TRIM42: variants seen among roughly 807,000 people sequenced by gnomAD.
The protein encoded by TRIM42 is tripartite motif containing 42, also known as tripartite motif-containing protein 42.
A neutral mutation model predicts 64.9 loss-of-function variants in TRIM42; 59 were observed. The ratio of observed to expected loss-of-function variants is 0.91; its 90% CI spans 0.74 to 1.13. The LOEUF (loss-of-function observed/expected upper bound fraction) is 1.13, where lower values mean the gene tolerates loss of function less well. TRIM42 is among the 50% of genes most tolerant of loss of function. TRIM42 has a pLI of 0.00. For synonymous variants in TRIM42, 354 were observed against 346.3 expected, an observed-to-expected ratio of 1.02 and a Z score of -0.25; for missense variants, 878 against 929.5, an observed-to-expected ratio of 0.94 and a Z score of 0.72.
At chr3:140,694,316 A>T (rs1988795912) in intron 4 of TRIM42, among the ~76,000 whole-genome samples, 1 of 152,252 alleles carries the variant, frequency 6.6e-6, no homozygotes, top group Admixed American at 6.5e-5. Flanking sequence ...TGTTGGTCTT[A>T]CACACCCTTC....
At chr3:140,678,640 A>G (rs1988274332) in intron 1 of TRIM42, 70 bp downstream of exon 1, 2 of 1,348,142 alleles carry the variant, frequency 1.5e-6, no homozygotes, top group Admixed American at 2.1e-5. Flanking sequence ...CCAGCTGTGA[A>G]GTCTACAGGG....
chr3:140,688,067 G>C lies in TRIM42; in HGVS notation c.1385G>C (p.Arg462Thr). The change falls in exon 3 of 5, where the codon AGG (arginine) becomes ACG (threonine). Residue 462 changes from arginine to threonine, a missense_variant. Coordinates refer to ENST00000286349, the MANE Select transcript of TRIM42 (RefSeq NM_152616.5). ...QIEDGIQTTYRPDPQLRLHSI... is the reference protein window; with the variant it reads ...QIEDGIQTTYTPDPQLRLHSI... ...GAGGACGGCATCCAGACCACCTACA[G>C]GCCTGACCCACAGCTCCGGCTGCAC... The C allele has an allele frequency of 1.2e-6, 2 of 1,614,170 alleles. No homozygotes were observed. The highest frequency in any genetic ancestry group is 1.7e-6 in the Non-Finnish European group (2 of 1,180,042).
intron 4 of TRIM42, among the ~76,000 whole-genome samples, chr3:140,700,009 C>T (rs1019833203): frequency 5.9e-5 from 9 of 152,290 alleles, no homozygotes; most frequent in African/African-American, 2.2e-4. Context: ...AACCCCACCC[C>T]CATTCTATCT....
At chr3:140,678,706 T>C (rs937371251) in intron 1 of TRIM42, 136 bp downstream of exon 1, 2 of 690,976 alleles carry the variant, frequency 2.9e-6, no homozygotes, top group Non-Finnish European at 4.8e-6. Flanking sequence ...GCCAAGAATT[T>C]TGTAGCAATT....
Position 140,701,146 on chromosome 3 carries a change from C to T in TRIM42, c.*172C>T, listed in dbSNP as rs574037272. 7.3e-6 allele frequency: 4 copies of T among 549,038 alleles called. No homozygotes were observed. Among genetic ancestry groups the T allele is most frequent in the African/African-American group, 5.7e-5 (3 of 52,260 alleles). 34.0% of individuals were successfully genotyped at this position (549,038 alleles called of 1,614,324 possible). ...TTGTAAGAGCTAATAAAAGGAAATA[C>T]CTGACATGGCTTGCTGTTTGTTCAA... On this transcript the variant is annotated 3_prime_UTR_variant, in exon 5 of 5. Coordinates refer to ENST00000286349, the MANE Select transcript of TRIM42 (RefSeq NM_152616.5).
At chr3:140,680,235 G>A (rs698666) in intron 1 of TRIM42, among the ~76,000 whole-genome samples, 1 of 151,684 alleles carries the variant, frequency 6.6e-6, no homozygotes, top group Non-Finnish European at 1.5e-5. Flanking sequence ...GTGTTAGGAG[G>A]TCGGCTCTGG....
At chr3:140,685,842 C>A (rs977600292) in intron 2 of TRIM42, among the ~76,000 whole-genome samples, 4 of 152,156 alleles carry the variant, frequency 2.6e-5, no homozygotes, top group African/African-American at 4.8e-5. Flanking sequence ...GGGCCTCAAG[C>A]TTTTTCATCT....
rs763045181 is a variant in TRIM42 at position 140,700,996 on chromosome 3, A to G, written c.*22A>G. The G allele has an allele frequency of 6.2e-7, 1 of 1,607,902 alleles. No individual in the cohort carries two copies. Among genetic ancestry groups the G allele is most frequent in the South Asian group, 1.1e-5 (1 of 90,812 alleles). On this transcript the variant is annotated 3_prime_UTR_variant, in exon 5 of 5. Coordinates refer to ENST00000286349, the MANE Select transcript of TRIM42 (RefSeq NM_152616.5). ...CTGAGCCCCTTCAGAGCAGGAAACA[A>G]CCTCAGACTCATCACAAAGTAGACA...
At chr3:140,692,538 C>CAT (rs1988745857) in intron 4 of TRIM42, among the ~76,000 whole-genome samples, 2 of 124,466 alleles carry the variant, frequency 1.6e-5, no homozygotes, top group Non-Finnish European at 3.6e-5. Context: ...CATACACACA[C>CAT]ACACACACAC....
rs1205121837 is a variant in TRIM42 at position 140,683,054 on chromosome 3, T to A, written c.934T>A (p.Phe312Ile). Reference sequence around the variant, plus strand: ...CAATGACAACAAATTGCTCTGCACCTTCTGCAAGTTCTCTTTCCACAATGG... The same window carrying A: ...CAATGACAACAAATTGCTCTGCACCATCTGCAAGTTCTCTTTCCACAATGG... ...CRNDNKLLCT[F>I]CKFSFHNGHD... is the part of the protein sequence containing the mutation. Residue 312 changes from phenylalanine to isoleucine, a missense_variant, in exon 2 of 5, where the codon TTC (phenylalanine) becomes ATC (isoleucine). Transcript: ENST00000286349. 2 of 1,614,098 alleles carry A rather than the reference T, an allele frequency of 1.2e-6. No individual in the cohort carries two copies. Among genetic ancestry groups the A allele is most frequent in the African/African-American group, 1.3e-5 (1 of 74,922 alleles).
intron 4 of TRIM42, among the ~76,000 whole-genome samples, chr3:140,694,062 C>G (rs1988789111): frequency 6.6e-6 from 1 of 152,188 alleles, no homozygotes; most frequent in African/African-American, 2.4e-5. Flanking sequence ...TGGTCTGTAT[C>G]CAAGCCCACA....
intron 4 of TRIM42, among the ~76,000 whole-genome samples, chr3:140,700,266 G>C (rs1050136722): frequency 1.6e-4 from 25 of 152,164 alleles, no homozygotes; most frequent in African/African-American, 5.5e-4. Context: ...TTTTCAGGTA[G>C]CACTGGCCAT....
chr3:140,688,278 A>T lies in TRIM42; in HGVS notation c.1596A>T (p.Ile532=), dbSNP rs370263093. The T allele has an allele frequency of 1.9e-6, 3 of 1,614,196 alleles. No individual in the cohort carries two copies. The highest frequency in any genetic ancestry group is 2.2e-5 in the South Asian group (2 of 91,086). ...FSTHSLGNQH[I]YQRSSSMLSF... ...CCCACAGCCTCGGCAACCAGCACATATACCAGCGAAGCTCCTCCATGTTGT... is the reference window on the plus strand; with the variant it reads ...CCCACAGCCTCGGCAACCAGCACATTTACCAGCGAAGCTCCTCCATGTTGT... Residue 532 remains isoleucine, a synonymous_variant, in exon 3 of 5, where the codon ATA becomes ATT. Coordinates refer to ENST00000286349, the MANE Select transcript of TRIM42 (RefSeq NM_152616.5).
chr3:140,678,648 G>C, intron 1 of TRIM42, 78 bp downstream of exon 1: 1 of 1,232,814 alleles, frequency 8.1e-7, no homozygotes, highest in Non-Finnish European at 1.1e-6. Flanking sequence ...GAAGTCTACA[G>C]GGCAGGCCAG....
Position 140,679,060 on chromosome 3 carries a change from C to CCA in TRIM42, c.341+491_341+492insAC, listed in dbSNP as rs944213002. ...ATTGCAAAACGGAGACAATACCCCC[C>CCA]CCATGATATTGTAGATATAAGGATT... On this transcript the variant is annotated intron_variant, in intron 1 of 4. Transcript: ENST00000286349. 6.6e-5 allele frequency among the ~76,000 whole-genome samples: 10 copies of CCA among 151,850 alleles called. 1 individual carries two copies. Among genetic ancestry groups the CCA allele is most frequent in the Admixed American group, 5.9e-4 (9 of 15,246 alleles).
In TRIM42 at chr3:140,682,732, G is replaced by A; in HGVS notation, c.612G>A (p.Gln204=). ...SHCMPYSNKM[Q]LPENYLHGRL... ...GCATGCCCTACAGCAACAAGATGCA[G>A]CTGCCCGAGAACTACCTGCACGGGC... The change falls in exon 2 of 5, where the codon CAG becomes CAA. Residue 204 remains glutamine (Q), a synonymous_variant. Coordinates refer to ENST00000286349, the MANE Select transcript of TRIM42 (RefSeq NM_152616.5). The A allele has an allele frequency of 6.2e-7, 1 of 1,612,754 alleles. No homozygotes were observed.
chr3:140,688,924 A>G (rs1988636260), intron 3 of TRIM42, among the ~76,000 whole-genome samples: 1 of 152,256 alleles, frequency 6.6e-6, no homozygotes, highest in Non-Finnish European at 1.5e-5. Flanking sequence ...CAGAAATTGT[A>G]CTTAGAAATG....
At chr3:140,692,268 T>C (rs867588320) in intron 4 of TRIM42, among the ~76,000 whole-genome samples, 1 of 152,126 alleles carries the variant, frequency 6.6e-6, no homozygotes, top group Non-Finnish European at 1.5e-5. Flanking sequence ...TGAATTGTCA[T>C]GGCCCAACCC....
chr3:140,688,209 C>G lies in TRIM42; in HGVS notation c.1527C>G (p.Pro509=), dbSNP rs747322267. ...GGGACTCCCTGCCCTCCCCCTACCC[C>G]GTGCACTCAGAAACAATGATTGCCA... ...SSGDSLPSPY[P]VHSETMIARK... The change falls in exon 3 of 5, where the codon CCC becomes CCG. Residue 509 remains proline (P), a synonymous_variant. Transcript: ENST00000286349. 1 of 1,614,216 alleles carries G rather than the reference C, an allele frequency of 6.2e-7. No homozygotes were observed. The highest frequency in any genetic ancestry group is 8.5e-7 in the Non-Finnish European group (1 of 1,180,036).
Sources: gnomAD v4.1 joint callset for allele counts (sites outside exome capture counted in the v4.1 genomes callset) on GRCh38, gnomAD v4.1.1 for gene constraint, MANE v1.5 for transcripts, NCBI Gene and HGNC (gene_info 2026-07-23, HGNC 2026-07-21) for gene names.